PACSIN2: variants seen among roughly 807,000 people sequenced by gnomAD.
The protein encoded by PACSIN2 is protein kinase C and casein kinase substrate in neurons 2, also known as protein kinase C and casein kinase substrate in neurons protein 2.
Under a neutral mutation model 63.8 loss-of-function variants are expected in PACSIN2, and 25 were observed. The observed-to-expected ratio is 0.39, with a 90% confidence interval of 0.29 to 0.55. The LOEUF (loss-of-function observed/expected upper bound fraction) is 0.55, where lower values mean the gene tolerates loss of function less well. Among genes scored for constraint, PACSIN2 ranks in the 20% least tolerant of loss-of-function variants. The pLI is 0.62. For synonymous variants in PACSIN2, 255 were observed against 256.2 expected, an observed-to-expected ratio of 1.00 and a Z score of 0.05; for missense variants, 518 against 646.9, an observed-to-expected ratio of 0.80 and a Z score of 2.16.
At chr22:42,898,154 A>G (rs756861330) in intron 2 of PACSIN2, among the ~76,000 whole-genome samples, 3 of 152,216 alleles carry the variant, frequency 2.0e-5, no homozygotes, top group Non-Finnish European at 2.9e-5. Flanking sequence ...CCCATCCTCC[A>G]GGTGGAGGAT....
In PACSIN2 at chr22:42,870,442, G is replaced by A. The variant is rs757840638; in HGVS notation, c.*915C>T. ...GTTAAATCTCATTAAAACAGTAGAC[G>A]AGTGCTTTAGATTCTCTGAATATCA... On this transcript the variant is annotated 3_prime_UTR_variant, in exon 11 of 11. Coordinates refer to ENST00000263246, the MANE Select transcript of PACSIN2 (RefSeq NM_001184970.3). The A allele has an allele frequency of 3.9e-5, 6 of 152,084 alleles. No individual in the cohort carries two copies. Among genetic ancestry groups the A allele is most frequent in the African/African-American group, 9.7e-5 (4 of 41,368 alleles). 9.4% of individuals were successfully genotyped at this position (152,084 alleles called of 1,614,324 possible).
chr22:42,912,698 G>A (rs1315624517), intron 1 of PACSIN2, among the ~76,000 whole-genome samples: 1 of 152,210 alleles, frequency 6.6e-6, no homozygotes, highest in East Asian at 1.9e-4. Flanking sequence ...CCAGGCAAGG[G>A]TAAAGGCGGC....
At position 42,924,273 on chromosome 22, in the gene PACSIN2, G is replaced by A. The variant is rs964020203; in HGVS notation, c.-77-12116C>T. On this transcript the variant is annotated intron_variant, in intron 1 of 10. Coordinates refer to ENST00000263246, the MANE Select transcript of PACSIN2 (RefSeq NM_001184970.3). Reference sequence around the variant, plus strand: ...ACTATCACCTCTCCTTTGTGTGGCTGCAGTCTTCTTCCCTCTAACAGAGCT... The same window carrying A: ...ACTATCACCTCTCCTTTGTGTGGCTACAGTCTTCTTCCCTCTAACAGAGCT... Among the ~76,000 whole-genome samples the A allele has an allele frequency of 2.6e-5, 4 of 152,254 alleles. No homozygotes were observed. The East Asian group carries it at 7.7e-4, about 29-fold the overall frequency.
At chr22:42,935,215 G>A (rs552177856) in intron 1 of PACSIN2, among the ~76,000 whole-genome samples, 3 of 151,918 alleles carry the variant, frequency 2.0e-5, no homozygotes, top group Admixed American at 6.5e-5. Context: ...GTGAGCCACC[G>A]TGCCCAGCCC....
intron 1 of PACSIN2, among the ~76,000 whole-genome samples, chr22:43,008,398 GCAC>G (rs1924236481): frequency 1.3e-5 from 2 of 152,016 alleles, no homozygotes. Context: ...TTACAGGCAC[GCAC>G]CACCATGACC....
At chr22:42,988,174 G>A (rs1305720283) in intron 1 of PACSIN2, among the ~76,000 whole-genome samples, 1 of 152,148 alleles carries the variant, frequency 6.6e-6, no homozygotes, top group Non-Finnish European at 1.5e-5. Flanking sequence ...GCCTGTTCCA[G>A]AGAACACAAA....
intron 1 of PACSIN2, among the ~76,000 whole-genome samples, chr22:42,945,174 GTC>G (rs1933359338): frequency 6.6e-6 from 1 of 151,950 alleles, no homozygotes; most frequent in African/African-American, 2.4e-5. Flanking sequence ...GCTCAAATGA[GTC>G]TGCACAGTGA....
At chr22:42,907,046 C>A (rs9607979) in intron 2 of PACSIN2, among the ~76,000 whole-genome samples, 4,431 of 152,238 alleles carry the variant, frequency 0.029, 83 homozygotes, top group African/African-American at 0.041. Context: ...TTTCCCAGAG[C>A]AGCTCCCTAG....
chr22:42,909,684 C>A, intron 2 of PACSIN2: 1 of 436,210 alleles, frequency 2.3e-6, no homozygotes, highest in South Asian at 1.7e-5. Flanking sequence ...TAACAGGGAG[C>A]ATAAGAGCTT....
At chr22:43,006,625 G>A (rs1195906810) in intron 1 of PACSIN2, among the ~76,000 whole-genome samples, 2 of 152,100 alleles carry the variant, frequency 1.3e-5, no homozygotes, top group Non-Finnish European at 2.9e-5. Flanking sequence ...GACCAGCCTG[G>A]CCAACATGGT....
rs190221057 is a variant in PACSIN2, at chr22:42,892,396, A to T, written c.217+1061T>A. Among the ~76,000 whole-genome samples the T allele has an allele frequency of 3.5e-3, 536 of 152,254 alleles. 1 individual carries two copies. Among genetic ancestry groups the T allele is most frequent in the Non-Finnish European group, 5.9e-3 (403 of 68,002 alleles). Reference sequence around the variant, plus strand: ...TGGAGACAACAGAGAACAGCCCCGGAAGTTGGACCTCTCTGTGCCTTCGTG... The same window carrying T: ...TGGAGACAACAGAGAACAGCCCCGGTAGTTGGACCTCTCTGTGCCTTCGTG... On this transcript the variant is annotated intron_variant, in intron 3 of 10. Coordinates refer to ENST00000263246, the MANE Select transcript of PACSIN2 (RefSeq NM_001184970.3).
intron 2 of PACSIN2, among the ~76,000 whole-genome samples, chr22:42,904,530 G>A (rs1930929516): frequency 6.6e-6 from 1 of 152,220 alleles, no homozygotes; most frequent in South Asian, 2.1e-4. Flanking sequence ...GCTTTTGGCA[G>A]AATTCCCAAG....
intron 2 of PACSIN2, among the ~76,000 whole-genome samples, chr22:42,905,660 C>A (rs922486879): frequency 2.0e-5 from 3 of 152,212 alleles, no homozygotes; most frequent in Admixed American, 6.5e-5. Context: ...AGGCCGAAGA[C>A]AATGTTGTAG....
At chr22:42,938,031 C>T (rs148865718) in intron 1 of PACSIN2, among the ~76,000 whole-genome samples, 98 of 151,530 alleles carry the variant, frequency 6.5e-4, no homozygotes, top group African/African-American at 2.3e-3. Context: ...CAGAGTAAAA[C>T]AAAATCATCA....
In PACSIN2 at chr22:43,010,396, A is replaced by ATTT. The variant is rs911611355; in HGVS notation, c.-78+4624_-78+4625insAAA. Reference sequence around the variant, plus strand: ...TCTGTTTAAAAATACATATATATATATATTTTTTTTTAATTGAAAATAAAA... The same window carrying ATTT: ...TCTGTTTAAAAATACATATATATATATTTTATTTTTTTTTAATTGAAAATAAAA... On this transcript the variant is annotated intron_variant, in intron 1 of 10. Coordinates refer to ENST00000263246, the MANE Select transcript of PACSIN2 (RefSeq NM_001184970.3). Among the ~76,000 whole-genome samples, 24 of 62,632 alleles carry ATTT rather than the reference A, an allele frequency of 3.8e-4. 2 individuals are homozygous for ATTT. The highest frequency in any genetic ancestry group is 4.3e-4 in the Admixed American group (2 of 4,602). 41.1% of individuals were successfully genotyped at this position (62,632 alleles called of 152,430 possible).
At chr22:42,983,492 A>AAAAAG (rs1922381538) in intron 1 of PACSIN2, among the ~76,000 whole-genome samples, 1 of 138,032 alleles carries the variant, frequency 7.2e-6, no homozygotes, top group African/African-American at 2.5e-5. Flanking sequence ...TCCATCTCAA[A>AAAAAG]AAAAAAAAAA....
intron 1 of PACSIN2, among the ~76,000 whole-genome samples, chr22:42,939,162 G>T (rs917459308): frequency 6.6e-6 from 1 of 152,164 alleles, no homozygotes; most frequent in Non-Finnish European, 1.5e-5. Flanking sequence ...AATTAGATGT[G>T]TCCCCAAAAC....
At chr22:42,920,793 CTTTTTT>C (rs745822264) in intron 1 of PACSIN2, among the ~76,000 whole-genome samples, 44 of 77,672 alleles carry the variant, frequency 5.7e-4, no homozygotes, top group Middle Eastern at 7.1e-3. Context: ...AATTATCACA[CTTTTTT>C]TTTTTTTTTT....
At chr22:42,923,007 C>T (rs749869981) in intron 1 of PACSIN2, among the ~76,000 whole-genome samples, 4 of 152,108 alleles carry the variant, frequency 2.6e-5, no homozygotes, top group Admixed American at 2.6e-4. Flanking sequence ...GTCTTTCCGG[C>T]AGAGGCAGAG....
Sources: allele counts gnomAD v4.1 joint callset (sites outside exome capture counted in the v4.1 genomes callset), GRCh38; gene constraint gnomAD v4.1.1; transcripts MANE v1.5; gene names NCBI Gene and HGNC (gene_info 2026-07-23, HGNC 2026-07-21).